The following PPFIA2 variants were observed in gnomAD, a reference collection of about 807,000 sequenced individuals.
The protein encoded by PPFIA2 is PPFI scaffold protein A2.
A neutral mutation model predicts 175.5 loss-of-function variants in PPFIA2; 46 were observed. The ratio of observed to expected loss-of-function variants is 0.26; its 90% confidence interval spans 0.21 to 0.34. PPFIA2 has a LOEUF of 0.34. PPFIA2 is among the 10% of genes least tolerant of loss of function. The pLI is 1.00. For synonymous variants in PPFIA2, 568 were observed against 511.4 expected, an observed-to-expected ratio of 1.11 and a Z score of -1.49; for missense variants, 1,179 against 1,506.1, an observed-to-expected ratio of 0.78 and a Z score of 3.60.
At chr12:81,289,850 TCAAC>T in intron 24 of PPFIA2, among the ~76,000 whole-genome samples, 1 of 151,938 alleles carries the variant, frequency 6.6e-6, no homozygotes, top group Non-Finnish European at 1.5e-5. Flanking sequence ...ACATCCTTCT[TCAAC>T]CAAATTTCAA....
At chr12:81,728,906 G>A (rs1389241940) in intron 3 of PPFIA2, among the ~76,000 whole-genome samples, 2 of 151,330 alleles carry the variant, frequency 1.3e-5, no homozygotes, top group African/African-American at 4.8e-5. Context: ...ATGGGATGGA[G>A]GAAGAAAGGA....
At chr12:81,382,689 A>G (rs2038005162) in intron 9 of PPFIA2, among the ~76,000 whole-genome samples, 2 of 152,166 alleles carry the variant, frequency 1.3e-5, no homozygotes, top group South Asian at 4.1e-4. Context: ...ATGGATAAGG[A>G]AGACTGCAGG....
intron 4 of PPFIA2, among the ~76,000 whole-genome samples, chr12:81,484,594 A>G (rs925243095): frequency 7.2e-5 from 11 of 152,008 alleles, no homozygotes; most frequent in African/African-American, 2.7e-4. Flanking sequence ...TAATAGCACT[A>G]TTCATTAGAG....
intron 22 of PPFIA2, among the ~76,000 whole-genome samples, chr12:81,302,362 T>C (rs548350422): frequency 6.6e-6 from 1 of 152,288 alleles, no homozygotes; most frequent in Non-Finnish European, 1.5e-5. Flanking sequence ...CCCAATGTGC[T>C]CAAATAGTTC....
chr12:81,316,122 C>CAT (rs1416868424), intron 22 of PPFIA2, among the ~76,000 whole-genome samples: 9 of 151,272 alleles, frequency 5.9e-5, no homozygotes, highest in Non-Finnish European at 1.0e-4. Context: ...CACACACACA[C>CAT]ATATATATGT....
At chr12:81,289,882 C>A (rs1158465012) in intron 24 of PPFIA2, among the ~76,000 whole-genome samples, 3 of 151,746 alleles carry the variant, frequency 2.0e-5, no homozygotes, top group Admixed American at 2.0e-4. Flanking sequence ...GTATCTCCAT[C>A]TCTATCCTAC....
At chr12:81,331,415 T>A (rs1031474951) in intron 21 of PPFIA2, among the ~76,000 whole-genome samples, 1 of 152,194 alleles carries the variant, frequency 6.6e-6, no homozygotes, top group Non-Finnish European at 1.5e-5. Flanking sequence ...TTAGAATGTA[T>A]CCTTATCATT....
intron 4 of PPFIA2, among the ~76,000 whole-genome samples, chr12:81,604,559 T>C (rs1177214438): frequency 6.6e-6 from 1 of 151,276 alleles, no homozygotes; most frequent in African/African-American, 2.4e-5. Flanking sequence ...CTTAGTTTGA[T>C]TGCTTTCAAT....
chr12:81,653,942 A>G (rs916719052), intron 4 of PPFIA2, among the ~76,000 whole-genome samples: 1 of 152,076 alleles, frequency 6.6e-6, no homozygotes, highest in Non-Finnish European at 1.5e-5. Flanking sequence ...AAATATAGAT[A>G]TGAGTAAACA....
chr12:81,703,696 C>T (rs2076768791), intron 3 of PPFIA2, among the ~76,000 whole-genome samples: 2 of 152,068 alleles, frequency 1.3e-5, no homozygotes, highest in Non-Finnish European at 2.9e-5. Flanking sequence ...TAATCCCGTG[C>T]CTTGGCTACA....
intron 28 of PPFIA2, among the ~76,000 whole-genome samples, chr12:81,272,978 T>C (rs1162102115): frequency 2.0e-5 from 3 of 152,206 alleles, no homozygotes; most frequent in Non-Finnish European, 4.4e-5. Flanking sequence ...TTAACATTAA[T>C]AGACATAATA....
At chr12:81,509,712 A>G (rs2061569964) in intron 4 of PPFIA2, among the ~76,000 whole-genome samples, 1 of 151,748 alleles carries the variant, frequency 6.6e-6, no homozygotes, top group African/African-American at 2.4e-5. Flanking sequence ...CTACAACCAT[A>G]TATGCTTTCT....
At chr12:81,572,718 G>A (rs1406062129) in intron 4 of PPFIA2, among the ~76,000 whole-genome samples, 1 of 151,912 alleles carries the variant, frequency 6.6e-6, no homozygotes, top group Non-Finnish European at 1.5e-5. Context: ...GGGACATCCT[G>A]GTGCTCAGAT....
chr12:81,312,260 C>A, intron 22 of PPFIA2: 8 of 1,224,282 alleles, frequency 6.5e-6, no homozygotes, highest in Non-Finnish European at 9.1e-6. Context: ...TGGAATAAAA[C>A]AAGAGCATTA....
intron 4 of PPFIA2, among the ~76,000 whole-genome samples, chr12:81,524,310 G>T (rs907876223): frequency 6.6e-6 from 1 of 152,190 alleles, no homozygotes; most frequent in Non-Finnish European, 1.5e-5. Flanking sequence ...GATGCCTGGA[G>T]CCCTGGAGCC....
At chr12:81,476,414 C>A (rs1057455170) in intron 4 of PPFIA2, among the ~76,000 whole-genome samples, 1 of 152,152 alleles carries the variant, frequency 6.6e-6, no homozygotes, top group Non-Finnish European at 1.5e-5. Context: ...CAAGCCATTG[C>A]AGAATCATCC....
chr12:81,421,421 G>T (rs1048391698), intron 7 of PPFIA2, among the ~76,000 whole-genome samples: 1 of 151,980 alleles, frequency 6.6e-6, no homozygotes, highest in Non-Finnish European at 1.5e-5. Flanking sequence ...GTAAAAGTGT[G>T]GAGGTTTTGT....
Position 81,341,097 on chromosome 12 carries a change from A to T in PPFIA2, c.2374T>A (p.Tyr792Asn). The change falls in exon 20 of 33, where the codon TAC becomes AAC. Residue 792 changes from tyrosine to asparagine, a missense_variant. By Grantham distance (143) the Tyr-to-Asn change is moderately radical. Coordinates refer to ENST00000549396, the MANE Select transcript of PPFIA2 (RefSeq NM_003625.5). ...LRMTHTLPSS[Y>N]HNDARSSLSV... ...TCTTACCTTCGAGCATCATTGTGGT[A>T]GGAAGAAGGGAGAGTGTGAGTCATT... The T allele has an allele frequency of 1.2e-6, 2 of 1,610,672 alleles. No homozygotes were observed. Among genetic ancestry groups the T allele is most frequent in the Non-Finnish European group, 1.7e-6 (2 of 1,177,352 alleles).
intron 4 of PPFIA2, among the ~76,000 whole-genome samples, chr12:81,610,435 T>C (rs1032830273): frequency 6.6e-6 from 1 of 152,232 alleles, no homozygotes; most frequent in Non-Finnish European, 1.5e-5. Flanking sequence ...GTTTTGTTCA[T>C]TTTTCCCAAT....
Sources: gnomAD v4.1 joint callset for allele counts (sites outside exome capture counted in the v4.1 genomes callset) on GRCh38, gnomAD v4.1.1 for gene constraint, MANE v1.5 for transcripts, NCBI Gene and HGNC (gene_info 2026-07-23, HGNC 2026-07-21) for gene names.